The following AACS variants were observed in gnomAD, a reference collection of about 807,000 sequenced individuals.
AACS encodes acetoacetyl-CoA synthetase.
A neutral mutation model predicts 83.1 loss-of-function variants in AACS; 69 were observed. The observed-to-expected ratio is 0.83, with a 90% confidence interval of 0.68 to 1.01. The LOEUF is 1.01. AACS is among the 50% of genes least tolerant of loss of function. The pLI is 0.00. For synonymous variants in AACS, 333 were observed against 343.4 expected, an observed-to-expected ratio of 0.97 and a Z score of 0.33; for missense variants, 866 against 882.2, an observed-to-expected ratio of 0.98 and a Z score of 0.23.
chr12:125,087,932 T>G (rs1237438223), intron 4 of AACS, among the ~76,000 whole-genome samples: 1 of 152,204 alleles, frequency 6.6e-6, no homozygotes, highest in Non-Finnish European at 1.5e-5. Context: ...CAGCCTATCC[T>G]CAGGGTTCAC....
intron 7 of AACS, among the ~76,000 whole-genome samples, chr12:125,103,539 G>C: frequency 1.3e-5 from 1 of 79,074 alleles, no homozygotes; most frequent in South Asian, 4.7e-4. Context: ...GTGTACATGT[G>C]TATGTATGGC....
In AACS at chr12:125,136,871, C is replaced by T. The variant is rs772907443; in HGVS notation, c.1881+7C>T. The stretch of plus-strand genomic sequence containing the variant: ...GGAAACCAAGGGCATCCCGGTATGG[C>T]CATCTCCCGCCAGCGAGGAGACCGC... On this transcript the variant is annotated splice_region_variant and intron_variant, in intron 17 of 17. Coordinates refer to ENST00000316519, the MANE Select transcript of AACS (RefSeq NM_023928.5). The T allele has an allele frequency of 1.9e-6, 3 of 1,611,688 alleles. No individual in the cohort carries two copies. Among genetic ancestry groups the T allele is most frequent in the East Asian group, 4.5e-5 (2 of 44,858 alleles).
intron 7 of AACS, among the ~76,000 whole-genome samples, chr12:125,103,441 G>T (rs113330721): frequency 7.7e-6 from 1 of 130,006 alleles, no homozygotes; most frequent in Non-Finnish European, 1.6e-5. Flanking sequence ...CACTGCACAC[G>T]CATGCACACG....
intron 9 of AACS, among the ~76,000 whole-genome samples, chr12:125,115,316 A>G (rs1957035691): frequency 6.9e-6 from 1 of 145,612 alleles, no homozygotes; most frequent in African/African-American, 2.6e-5. Flanking sequence ...GCTGGAGTGC[A>G]GTGACTGGAT....
intron 5 of AACS, chr12:125,101,215 T>G (rs1362198959): frequency 6.6e-6 from 1 of 152,254 alleles, no homozygotes; most frequent in African/African-American, 2.4e-5. Flanking sequence ...TTACTAACAT[T>G]AATAATCTGT....
At chr12:125,068,123 C>G (rs910939888) in intron 1 of AACS, among the ~76,000 whole-genome samples, 5 of 152,280 alleles carry the variant, frequency 3.3e-5, no homozygotes, top group African/African-American at 1.2e-4. Flanking sequence ...TGGGCCAGGT[C>G]TCATCTCCAG....
At position 125,129,297 on chromosome 12, in the gene AACS, GGT is replaced by G. The variant is rs1565953373; in HGVS notation, c.1424-31_1424-30del. 6.3e-7 allele frequency: 1 copy of G among 1,589,798 alleles called. No homozygotes were observed. Among genetic ancestry groups the G allele is most frequent in the South Asian group, 1.1e-5 (1 of 87,572 alleles). ...AGAGACAGCCAGGGTGTGTGGCTGT[GGT>G]GTGTGTTGGGCTTATTTTTAATTCT... is the stretch of plus-strand genomic sequence containing the variant. On this transcript the variant is annotated intron_variant, in intron 13 of 17. Transcript: ENST00000316519. This position sits in a 1 kb window ranked among gnomAD's most constrained non-coding sequence, Gnocchi z 4.3.
At chr12:125,071,461 T>C (rs1029186411) in intron 1 of AACS, among the ~76,000 whole-genome samples, 4 of 152,208 alleles carry the variant, frequency 2.6e-5, no homozygotes, top group Admixed American at 2.6e-4. Flanking sequence ...GTGCTTGCTT[T>C]GGCAGCACAT....
intron 14 of AACS, among the ~76,000 whole-genome samples, chr12:125,131,561 T>A (rs1364408519): frequency 6.6e-6 from 1 of 152,136 alleles, no homozygotes; most frequent in Non-Finnish European, 1.5e-5. Flanking sequence ...TGTGAATAAA[T>A]GAATAATGAG....
chr12:125,124,820 T>G lies in AACS; in HGVS notation c.1186+51T>G, dbSNP rs765428730. 4.4e-5 allele frequency: 71 copies of G among 1,613,902 alleles called. No homozygotes were observed. In the South Asian group the frequency reaches 7.2e-4, roughly 16 times the overall value. On this transcript the variant is annotated intron_variant, in intron 11 of 17. Coordinates refer to ENST00000316519, the MANE Select transcript of AACS (RefSeq NM_023928.5). ...TCCCTGTACTGCCAATCAAGGAAAT[T>G]AAATCCATCCTATTTCCTGCTTGCG...
chr12:125,133,912 A>T (rs1385859069), intron 14 of AACS, 91 bp from the exon 15 acceptor site: 24 of 1,304,706 alleles, frequency 1.8e-5, no homozygotes, highest in Non-Finnish European at 2.6e-5. Flanking sequence ...GGCCCCAGTG[A>T]TGTCTGCGGA....
intron 4 of AACS, 200 bp from the exon 5 acceptor site, chr12:125,091,226 T>A (rs552121569): frequency 2.4e-4 from 148 of 605,802 alleles, no homozygotes; most frequent in Middle Eastern, 2.4e-3. Context: ...GCATGGAGAA[T>A]GGATTGCAGG....
intron 12 of AACS, chr12:125,127,093 T>A (rs1957256695): frequency 6.6e-6 from 1 of 151,592 alleles, no homozygotes; most frequent in Non-Finnish European, 1.5e-5. Context: ...TGAGCTGAGA[T>A]CGTGCCATTG....
In AACS at chr12:125,130,686, A is replaced by AGTACTTT. The variant is rs1282765184; in HGVS notation, c.1549+1229_1549+1235dup. On this transcript the variant is annotated intron_variant, in intron 14 of 17. Transcript: ENST00000316519. The surrounding 1 kb of genome is among the most constrained non-coding windows in gnomAD (Gnocchi z 4.9). The stretch of plus-strand genomic sequence containing the variant: ...CTGATATTCCTTCTTGGAGAAGACA[A>AGTACTTT]GTACTTTGTGACGTGTTATATTTCC... 6.6e-6 allele frequency among the ~76,000 whole-genome samples: 1 copy of AGTACTTT among 152,220 alleles called. No individual in the cohort carries two copies. Among genetic ancestry groups the AGTACTTT allele is most frequent in the Non-Finnish European group, 1.5e-5 (1 of 68,044 alleles).
At position 125,118,654 on chromosome 12, in the gene AACS, T is replaced by A; in HGVS notation, c.1010T>A (p.Met337Lys). 1 of 1,614,126 alleles carries A rather than the reference T, an allele frequency of 6.2e-7. No individual in the cohort carries two copies. The highest frequency in any genetic ancestry group is 8.5e-7 in the Non-Finnish European group (1 of 1,180,010). ...LLCYTTVGWMMWNWMVSLLAT... is the reference protein window; with the variant it reads ...LLCYTTVGWMKWNWMVSLLAT... ...CTGTCTTTGCAGGTCGGCTGGATGA[T>A]GTGGAACTGGATGGTGTCCCTTCTG... Residue 337 changes from methionine to lysine, a missense_variant, in exon 10 of 18, where the codon ATG (methionine) becomes AAG (lysine). Physicochemically the swap from Met to Lys is moderately conservative, Grantham distance 95. Coordinates refer to ENST00000316519, the MANE Select transcript of AACS (RefSeq NM_023928.5).
intron 3 of AACS, among the ~76,000 whole-genome samples, chr12:125,079,189 C>G (rs1594579850): frequency 6.6e-6 from 1 of 151,840 alleles, no homozygotes; most frequent in African/African-American, 2.4e-5. Context: ...GGGGAACAGC[C>G]AGGAAGGCTG....
At chr12:125,110,024 C>T (rs1382942533) in intron 8 of AACS, among the ~76,000 whole-genome samples, 2 of 146,082 alleles carry the variant, frequency 1.4e-5, no homozygotes, top group Non-Finnish European at 3.0e-5. Flanking sequence ...TGGTGCTTTG[C>T]TTTTTTTTTT....
In AACS at chr12:125,128,216, T is replaced by C. The variant is rs199853330; in HGVS notation, c.1365T>C (p.Tyr455=). ...FMGHNFSLPV[Y]KGEIQARNLG... is the part of the protein sequence containing the mutation. ...GCCACAATTTTTCTCTTCCTGTGTATAAAGGGGAGATTCAGGCCCGGAACC... is the reference window on the plus strand; with the variant it reads ...GCCACAATTTTTCTCTTCCTGTGTACAAAGGGGAGATTCAGGCCCGGAACC... The change falls in exon 13 of 18, where the codon TAT becomes TAC. Residue 455 remains tyrosine (Y), a synonymous_variant. Transcript: ENST00000316519. 3.2e-4 allele frequency: 512 copies of C among 1,613,154 alleles called. No homozygotes were observed. The highest frequency in any genetic ancestry group is 2.6e-3 in the Middle Eastern group (16 of 6,060).
At chr12:125,133,011 C>A (rs1415457297) in intron 14 of AACS, among the ~76,000 whole-genome samples, 1 of 152,230 alleles carries the variant, frequency 6.6e-6, no homozygotes, top group Non-Finnish European at 1.5e-5. Context: ...GGCTTCTTTA[C>A]TGTTTTCCCT....
Sources: gnomAD v4.1 joint callset for allele counts (sites outside exome capture counted in the v4.1 genomes callset) on GRCh38, gnomAD v4.1.1 for gene constraint, Gnocchi (gnomAD v3.1) non-coding constraint, MANE v1.5 for transcripts, NCBI Gene and HGNC (gene_info 2026-07-23, HGNC 2026-07-21) for gene names.